Variants in GABBR2 observed in about 807,000 individuals in gnomAD.
The protein encoded by GABBR2 is G-protein coupled receptor 51.
Under a neutral mutation model 105.6 loss-of-function variants are expected in GABBR2, and 23 were observed. The observed-to-expected ratio is 0.22, with a 90% CI of 0.16 to 0.31. The LOEUF is 0.31. Among genes scored for constraint, GABBR2 ranks in the 10% least tolerant of loss-of-function variants. The pLI is 1.00. For synonymous variants in GABBR2, 478 were observed against 499.7 expected (o/e 0.96, Z 0.58); for missense variants, 734 against 1,245.5 (o/e 0.59, Z 6.18).
chr9:98,336,016 T>C (rs749555638), intron 13 of GABBR2, among the ~76,000 whole-genome samples: 2 of 152,142 alleles, frequency 1.3e-5, no homozygotes, highest in Non-Finnish European at 2.9e-5. Context: ...TGATAGAATA[T>C]AGATGAGAGA....
chr9:98,508,623 G>T (rs886526722), intron 3 of GABBR2, among the ~76,000 whole-genome samples: 1 of 152,228 alleles, frequency 6.6e-6, no homozygotes, highest in African/African-American at 2.4e-5. Context: ...TATATCCCGC[G>T]CATGGCTCGG....
chr9:98,330,929 A>C (rs1439348903), intron 13 of GABBR2, among the ~76,000 whole-genome samples: 1 of 152,128 alleles, frequency 6.6e-6, no homozygotes. Flanking sequence ...AGCCCGAAGC[A>C]ACCACTAATC....
At chr9:98,390,818 A>G (rs1347153844) in intron 9 of GABBR2, among the ~76,000 whole-genome samples, 1 of 152,166 alleles carries the variant, frequency 6.6e-6, no homozygotes. Context: ...AGGTGATATG[A>G]TCACTACTGG....
intron 9 of GABBR2, among the ~76,000 whole-genome samples, chr9:98,392,276 AT>A (rs1564047577): frequency 6.6e-6 from 1 of 151,952 alleles, no homozygotes; most frequent in East Asian, 1.9e-4. Flanking sequence ...TGTAAGTTGT[AT>A]TTTGTGTCTT....
chr9:98,481,661 C>G (rs186997633), intron 4 of GABBR2, among the ~76,000 whole-genome samples: 94 of 152,318 alleles, frequency 6.2e-4, no homozygotes, highest in Admixed American at 1.8e-3. Context: ...GTTTCCTCAT[C>G]TGCAAAATGA....
chr9:98,432,081 A>T (rs956345729), intron 7 of GABBR2, among the ~76,000 whole-genome samples: 3 of 152,096 alleles, frequency 2.0e-5, no homozygotes, highest in African/African-American at 7.2e-5. Context: ...TTTTTAGTAG[A>T]GACAGGGTTT....
chr9:98,625,522 C>A (rs545911177), intron 1 of GABBR2, among the ~76,000 whole-genome samples: 1 of 152,300 alleles, frequency 6.6e-6, no homozygotes, highest in Non-Finnish European at 1.5e-5. Flanking sequence ...TTGGAAAAGA[C>A]CCTGAGCCTC....
chr9:98,397,025 G>A (rs7048744), intron 8 of GABBR2, among the ~76,000 whole-genome samples: 1,887 of 152,278 alleles, frequency 0.012, 56 homozygotes, highest in East Asian at 0.11. Flanking sequence ...CCTCAAATAG[G>A]TTAAGTACCC....
At chr9:98,435,844 C>T (rs1825892160) in intron 7 of GABBR2, among the ~76,000 whole-genome samples, 1 of 152,206 alleles carries the variant, frequency 6.6e-6, no homozygotes, top group Non-Finnish European at 1.5e-5. Flanking sequence ...GTCTGTCACT[C>T]ATCCACAACA....
intron 6 of GABBR2, among the ~76,000 whole-genome samples, chr9:98,456,108 C>T (rs182651353): frequency 5.9e-5 from 9 of 152,234 alleles, no homozygotes; most frequent in Admixed American, 1.3e-4. Flanking sequence ...TTCCTCCACC[C>T]GCCCACACTC....
chr9:98,347,159 T>C (rs1831316576), intron 13 of GABBR2, among the ~76,000 whole-genome samples: 1 of 152,218 alleles, frequency 6.6e-6, no homozygotes, highest in African/African-American at 2.4e-5. Flanking sequence ...CCCCACATTA[T>C]TTTCCATAAT....
chr9:98,663,456 G>T (rs1328060965), intron 1 of GABBR2, among the ~76,000 whole-genome samples: 1 of 152,074 alleles, frequency 6.6e-6, no homozygotes, highest in African/African-American at 2.4e-5. Flanking sequence ...AAAGCAAGGT[G>T]GGTGCAACTG....
intron 7 of GABBR2, among the ~76,000 whole-genome samples, chr9:98,445,373 T>C (rs528589132): frequency 4.6e-5 from 7 of 152,236 alleles, no homozygotes; most frequent in East Asian, 3.9e-4. Flanking sequence ...AGGAGGACCA[T>C]TGGTTCTAAA....
intron 1 of GABBR2, among the ~76,000 whole-genome samples, chr9:98,648,278 G>A (rs1168014829): frequency 6.6e-6 from 1 of 151,698 alleles, no homozygotes; most frequent in Non-Finnish European, 1.5e-5. Context: ...ATTACAGGCA[G>A]CTGCCACCAC....
intron 8 of GABBR2, among the ~76,000 whole-genome samples, chr9:98,402,860 T>C (rs1832418603): frequency 6.6e-6 from 1 of 152,144 alleles, no homozygotes; most frequent in Admixed American, 6.5e-5. Flanking sequence ...TCCTGGTAGA[T>C]AAGGCACCTC....
intron 5 of GABBR2, among the ~76,000 whole-genome samples, chr9:98,475,974 G>A (rs1236908618): frequency 2.6e-5 from 4 of 152,178 alleles, no homozygotes; most frequent in African/African-American, 7.2e-5. Flanking sequence ...TGAGGCAGGA[G>A]AATTGCTTGA....
chr9:98,502,542 C>T (rs1005473557), intron 3 of GABBR2, among the ~76,000 whole-genome samples: 3 of 152,206 alleles, frequency 2.0e-5, no homozygotes, highest in African/African-American at 7.2e-5. Flanking sequence ...TTTAGGGCCC[C>T]AAGACTGTAT....
At chr9:98,414,836 CCT>C (rs906846047) in intron 7 of GABBR2, among the ~76,000 whole-genome samples, 33 of 152,220 alleles carry the variant, frequency 2.2e-4, no homozygotes, top group African/African-American at 6.0e-4. Context: ...CGTTTTCCCC[CCT>C]GTCAACCAGA....
chr9:98,305,556 T>C (rs560182414), intron 15 of GABBR2, among the ~76,000 whole-genome samples: 2 of 152,258 alleles, frequency 1.3e-5, no homozygotes, highest in Non-Finnish European at 2.9e-5. Context: ...GGCTCATGCC[T>C]GTAATCTCAG....
Sources: allele counts gnomAD v4.1 joint callset (sites outside exome capture counted in the v4.1 genomes callset), GRCh38; gene constraint gnomAD v4.1.1; transcripts MANE v1.5; gene names NCBI Gene and HGNC (gene_info 2026-07-23, HGNC 2026-07-21).